C8orf34: variants seen among roughly 807,000 people sequenced by gnomAD.
The protein encoded by C8orf34 is uncharacterized protein C8orf34.
In C8orf34, 65 loss-of-function variants were observed where a neutral mutation model predicts 68.3. That is an observed-to-expected ratio of 0.95 (90% CI 0.78 to 1.17). C8orf34 has a LOEUF of 1.17. C8orf34 is among the 50% of genes most tolerant of loss of function. The pLI is 0.00. For missense variants in C8orf34, 664 were observed against 655.4 expected (o/e 1.01, Z -0.14); for synonymous variants, 244 against 241.2 (o/e 1.01, Z -0.11).
chr8:68,680,477 G>T (rs1053270149), intron 8 of C8orf34, among the ~76,000 whole-genome samples: 1 of 152,116 alleles, frequency 6.6e-6, no homozygotes, highest in African/African-American at 2.4e-5. Context: ...TGGTAAGACC[G>T]TGATGCCCCC....
At chr8:68,660,618 T>G (rs563869287) in intron 8 of C8orf34, among the ~76,000 whole-genome samples, 8 of 152,286 alleles carry the variant, frequency 5.3e-5, no homozygotes, top group African/African-American at 1.9e-4. Context: ...CCCCTTTTCT[T>G]CCATTGTTGC....
rs139686345 is a variant in C8orf34 at position 68,652,679 on chromosome 8, C to T, written c.1241+12168C>T. Among the ~76,000 whole-genome samples, 652 of 152,200 alleles carry T rather than the reference C, an allele frequency of 4.3e-3. 6 individuals carry two copies. The highest frequency in any genetic ancestry group is 0.015 in the African/African-American group (613 of 41,534). ...TTGTTGAAAAGATTATTCCTTCCAC[C>T]TTGAATTGTCTTGGTACCCTTTTTT... On this transcript the variant is annotated intron_variant, in intron 8 of 13. Transcript: ENST00000518698.
intron 7 of C8orf34, among the ~76,000 whole-genome samples, chr8:68,602,478 T>C (rs1440392285): frequency 6.6e-6 from 1 of 152,014 alleles, no homozygotes; most frequent in Non-Finnish European, 1.5e-5. Context: ...GGGAAGCCCC[T>C]TATAAAACCA....
rs554028889 is a variant in C8orf34 at position 68,368,198 on chromosome 8, T to C, written c.327+36859T>C. Among the ~76,000 whole-genome samples, 38 of 152,302 alleles carry C rather than the reference T, an allele frequency of 2.5e-4. No individual in the cohort carries two copies. The South Asian group carries it at 7.9e-3, about 32-fold the overall frequency. ...TTGCACCGGAAAGTAGATTTAATTA[T>C]GATGCAGGAAAGTTTTTCAATGATT... On this transcript the variant is annotated intron_variant, in intron 1 of 13. Transcript: ENST00000518698.
At chr8:68,485,736 T>TAAAA (rs1813052545) in intron 4 of C8orf34, among the ~76,000 whole-genome samples, 2 of 149,892 alleles carry the variant, frequency 1.3e-5, no homozygotes, top group African/African-American at 4.9e-5. Context: ...AATAAATAAA[T>TAAAA]AAATAAATAA....
At chr8:68,795,612 G>A (rs1824157451) in intron 12 of C8orf34, among the ~76,000 whole-genome samples, 1 of 152,170 alleles carries the variant, frequency 6.6e-6, no homozygotes, top group African/African-American at 2.4e-5. Flanking sequence ...ATAGTGGTCA[G>A]CTAATGACTG....
intron 11 of C8orf34, among the ~76,000 whole-genome samples, chr8:68,785,709 A>G (rs1823825942): frequency 6.6e-6 from 1 of 152,054 alleles, no homozygotes; most frequent in South Asian, 2.1e-4. Flanking sequence ...ATTTGCATAC[A>G]TTAAAGCTTA....
intron 8 of C8orf34, among the ~76,000 whole-genome samples, chr8:68,668,754 A>G (rs1346792861): frequency 6.6e-6 from 1 of 152,162 alleles, no homozygotes; most frequent in Non-Finnish European, 1.5e-5. Flanking sequence ...GGCAGAGAGG[A>G]AGGCAGAGAA....
intron 10 of C8orf34, among the ~76,000 whole-genome samples, chr8:68,739,787 A>G (rs2129527181): frequency 6.6e-6 from 1 of 152,320 alleles, no homozygotes; most frequent in African/African-American, 2.4e-5. Context: ...ACCCAAGGCA[A>G]TCCTAAGAAA....
At chr8:68,594,231 C>T (rs1008518307) in intron 7 of C8orf34, among the ~76,000 whole-genome samples, 3 of 151,754 alleles carry the variant, frequency 2.0e-5, no homozygotes, top group Non-Finnish European at 2.9e-5. Flanking sequence ...GTTTATTTTT[C>T]GTCCCCTTGG....
chr8:68,702,359 A>G (rs1821043202), intron 8 of C8orf34, among the ~76,000 whole-genome samples: 1 of 152,164 alleles, frequency 6.6e-6, no homozygotes, highest in Non-Finnish European at 1.5e-5. Flanking sequence ...AGGCATATGA[A>G]TGAAAACTTT....
chr8:68,563,268 C>T (rs945610558), intron 7 of C8orf34, among the ~76,000 whole-genome samples: 1 of 152,138 alleles, frequency 6.6e-6, no homozygotes, highest in African/African-American at 2.4e-5. Flanking sequence ...TGCAAAGATA[C>T]ATGAAGCGTG....
chr8:68,705,623 C>T (rs965428888), intron 8 of C8orf34, among the ~76,000 whole-genome samples: 4 of 151,218 alleles, frequency 2.6e-5, no homozygotes, highest in Admixed American at 6.6e-5. Flanking sequence ...AAACTGTGGA[C>T]GTAAAGGCAT....
In C8orf34 at chr8:68,776,451, T is replaced by C. The variant is rs1823521838; in HGVS notation, c.1455+2T>C. 3 of 1,611,414 alleles carry C rather than the reference T, an allele frequency of 1.9e-6. No individual in the cohort carries two copies. Among genetic ancestry groups the C allele is most frequent in the South Asian group, 1.1e-5 (1 of 90,990 alleles). On this transcript the variant is annotated splice_donor_variant, in intron 11 of 13. Transcript: ENST00000518698. LOFTEE classifies it high-confidence loss of function. ...TCACTGAAAAACTACATGGAAGAAG[T>C]GAGTTTTAAGGTTGCTTTATAATGT...
At chr8:68,437,612 C>T (rs1343381142) in intron 1 of C8orf34, among the ~76,000 whole-genome samples, 1 of 152,076 alleles carries the variant, frequency 6.6e-6, no homozygotes, top group Non-Finnish European at 1.5e-5. Context: ...TTACAATTAC[C>T]TTCACAACAG....
intron 10 of C8orf34, among the ~76,000 whole-genome samples, chr8:68,745,051 C>T (rs1353023707): frequency 1.3e-5 from 2 of 152,262 alleles, no homozygotes; most frequent in East Asian, 1.9e-4. Context: ...AGAAACCCTA[C>T]AAGCCAGAAG....
chr8:68,532,115 C>A (rs974298986), intron 6 of C8orf34, among the ~76,000 whole-genome samples: 7 of 151,948 alleles, frequency 4.6e-5, no homozygotes, highest in Admixed American at 3.9e-4. Flanking sequence ...AACTGAGTGG[C>A]GACAATGAAT....
chr8:68,672,730 T>C (rs1297668860), intron 8 of C8orf34, among the ~76,000 whole-genome samples: 5 of 152,162 alleles, frequency 3.3e-5, no homozygotes, highest in South Asian at 2.1e-4. Flanking sequence ...CCTTGTGCTG[T>C]GCTGGGTTCA....
At chr8:68,681,859 T>A (rs1037787661) in intron 8 of C8orf34, among the ~76,000 whole-genome samples, 7 of 152,188 alleles carry the variant, frequency 4.6e-5, no homozygotes, top group African/African-American at 1.7e-4. Context: ...GCCAATCATC[T>A]GCAACAATAT....
Sources: gnomAD v4.1 joint callset for allele counts (sites outside exome capture counted in the v4.1 genomes callset) on GRCh38, gnomAD v4.1.1 for gene constraint, MANE v1.5 for transcripts, NCBI Gene and HGNC (gene_info 2026-07-23, HGNC 2026-07-21) for gene names.